The following CFAP46 variants were observed in gnomAD, a reference collection of about 807,000 sequenced individuals.
The protein encoded by CFAP46 is cilia and flagella associated protein 46.
A neutral mutation model predicts 325.7 loss-of-function variants in CFAP46; 245 were observed. That is an observed-to-expected ratio of 0.75 (90% CI 0.68 to 0.84). The LOEUF (loss-of-function observed/expected upper bound fraction) is 0.84, where lower values mean the gene tolerates loss of function less well. CFAP46 is among the 40% of genes least tolerant of loss of function. The pLI, the probability that CFAP46 is intolerant of heterozygous loss-of-function variation, is 0.00. For synonymous variants in CFAP46, 1,523 were observed against 1,495.9 expected, an observed-to-expected ratio of 1.02 and a Z score of -0.42; for missense variants, 3,346 against 3,543.0, an observed-to-expected ratio of 0.94 and a Z score of 1.41.
At position 132,850,411 on chromosome 10, in the gene CFAP46, T is replaced by C. The variant is rs1388475474; in HGVS notation, c.5785A>G (p.Thr1929Ala). ...TGTGCCAGTGCCCCGTGTGCTAGAG[T>C]CCGCTTCAGCGTGAACCATTGCTTC... ...VGLQWFTLKR[T>A]LAHGALAQLG... Residue 1929 changes from threonine to alanine, a missense_variant, in exon 41 of 58, where the codon ACT (threonine) becomes GCT (alanine). By Grantham distance (58) the Thr-to-Ala change is moderately conservative. Coordinates refer to ENST00000368586, the MANE Select transcript of CFAP46 (RefSeq NM_001200049.3). 2 of 1,576,678 alleles carry C rather than the reference T, an allele frequency of 1.3e-6. No homozygotes were observed. The highest frequency in any genetic ancestry group is 2.7e-5 in the African/African-American group (2 of 74,080).
chr10:132,880,652 CTGAGA>C (rs1255478134), intron 28 of CFAP46, among the ~76,000 whole-genome samples: 2 of 53,526 alleles, frequency 3.7e-5, no homozygotes, highest in Admixed American at 4.7e-4. Context: ...GAGGACAGCA[CTGAGA>C]CACGTCAGGG....
chr10:132,872,003 T>C (rs796766523), intron 32 of CFAP46, among the ~76,000 whole-genome samples: 10 of 152,250 alleles, frequency 6.6e-5, no homozygotes, highest in African/African-American at 2.4e-4. Context: ...TTTTAGTACA[T>C]ACATTTTAAA....
At chr10:132,928,084 C>G (rs1849838388) in intron 9 of CFAP46, among the ~76,000 whole-genome samples, 1 of 152,182 alleles carries the variant, frequency 6.6e-6, no homozygotes, top group Admixed American at 6.5e-5. Context: ...AGGAGCCTCC[C>G]TAACAGCGAC....
At chr10:132,924,988 T>G in intron 10 of CFAP46, 102 bp from the exon 11 acceptor site, 1 of 940,588 alleles carries the variant, frequency 1.1e-6, no homozygotes, top group Middle Eastern at 3.1e-4. Context: ...AGGCCCTAAA[T>G]TCATCACCCT....
At position 132,906,200 on chromosome 10, in the gene CFAP46, G is replaced by A. The variant is rs1039472948; in HGVS notation, c.2924+2268C>T. On this transcript the variant is annotated intron_variant, in intron 22 of 57. Transcript: ENST00000368586. ...CCCCCTTGTGAACGTGGGGCACCAC[G>A]CATGGCAGTGCCAGGCCAGCAGGGC... 2.2e-4 allele frequency among the ~76,000 whole-genome samples: 33 copies of A among 152,354 alleles called. No individual in the cohort carries two copies. In the South Asian group the frequency reaches 3.1e-3, roughly 14 times the overall value.
intron 20 of CFAP46, 83 bp downstream of exon 20, chr10:132,909,836 G>A (rs1849514035): frequency 7.6e-7 from 1 of 1,315,066 alleles, no homozygotes; most frequent in Non-Finnish European, 9.8e-7. Context: ...AGTGGTCCCG[G>A]GGGCCCCACC....
intron 26 of CFAP46, 40 bp from the exon 27 acceptor site, chr10:132,885,326 G>A (rs1359656592): frequency 2.0e-6 from 3 of 1,512,936 alleles, no homozygotes; most frequent in Middle Eastern, 1.9e-4. Flanking sequence ...TCAGGATCGG[G>A]TGGCAGAATT....
At chr10:132,912,298 CCT>C (rs200113529) in intron 19 of CFAP46, among the ~76,000 whole-genome samples, 8 of 44,316 alleles carry the variant, frequency 1.8e-4, no homozygotes, top group East Asian at 3.7e-4. Context: ...CTCTCTCTCT[CCT>C]CTCTTTCTCC....
At chr10:132,941,451 A>C (rs1448154154) in intron 3 of CFAP46, 140 bp downstream of exon 3, 3 of 1,158,014 alleles carry the variant, frequency 2.6e-6, no homozygotes, top group East Asian at 2.5e-5. Flanking sequence ...GAAATGGTGC[A>C]AGTTTCGTGT....
chr10:132,825,785 A>AT lies in CFAP46; in HGVS notation c.7117+7572dup, dbSNP rs760748258. ...ACAAACCTCAAAGAACAAAACCCAG[A>AT]TAACCCCACAGAAGAACCGGTGAGA... is the stretch of plus-strand genomic sequence containing the variant. On this transcript the variant is annotated intron_variant, in intron 50 of 57. Coordinates refer to ENST00000368586, the MANE Select transcript of CFAP46 (RefSeq NM_001200049.3). Among the ~76,000 whole-genome samples, 30 of 152,352 alleles carry AT rather than the reference A, an allele frequency of 2.0e-4. 1 individual carries two copies. Among genetic ancestry groups the AT allele is most frequent in the East Asian group, 1.3e-3 (7 of 5,192 alleles).
rs1052638582 is a variant in CFAP46 at position 132,936,848 on chromosome 10, T to C, written c.755+113A>G. On this transcript the variant is annotated intron_variant, in intron 7 of 57. Coordinates refer to ENST00000368586, the MANE Select transcript of CFAP46 (RefSeq NM_001200049.3). Reference sequence around the variant, plus strand: ...ATTCTCCAGCCCCACTCACTGCAACTCCAGACTCACAGGCCCCTGGACACA... The same window carrying C: ...ATTCTCCAGCCCCACTCACTGCAACCCCAGACTCACAGGCCCCTGGACACA... 6.7e-5 allele frequency: 35 copies of C among 522,018 alleles called. No individual in the cohort carries two copies. The East Asian group carries it at 1.1e-3, about 17-fold the overall frequency. The allele number at this position is 522,018 out of a possible 1,614,324, so 32.3% of individuals were successfully genotyped here.
At chr10:132,860,354 C>A (rs1396312805) in intron 37 of CFAP46, 63 bp downstream of exon 37, 6 of 1,316,372 alleles carry the variant, frequency 4.6e-6, no homozygotes, top group Non-Finnish European at 6.4e-6. Flanking sequence ...ACAAAAATTG[C>A]AGATGGAAAA....
Position 132,839,848 on chromosome 10 carries a change from C to T in CFAP46, c.6439-2934G>A, listed in dbSNP as rs529078070. Among the ~76,000 whole-genome samples the T allele has an allele frequency of 6.6e-5, 10 of 152,356 alleles. No homozygotes were observed. In the South Asian group the frequency reaches 1.4e-3, roughly 22 times the overall value. On this transcript the variant is annotated intron_variant, in intron 44 of 57. Transcript: ENST00000368586. The stretch of plus-strand genomic sequence containing the variant: ...TGAACCACATGGAACACAACTACTT[C>T]ACCCTGACGTGGCGCCCCTTATAAC...
chr10:132,819,589 C>A (rs114118748), intron 50 of CFAP46, among the ~76,000 whole-genome samples: 1 of 152,216 alleles, frequency 6.6e-6, no homozygotes, highest in African/African-American at 2.4e-5. Context: ...TAAACCCACA[C>A]GTTCAGGGTC....
intron 34 of CFAP46, 50 bp downstream of exon 34, chr10:132,867,325 C>A (rs147101924): frequency 2.7e-5 from 41 of 1,528,504 alleles, no homozygotes; most frequent in Middle Eastern, 4.5e-4. Context: ...CCACGAGGCA[C>A]CGGCGCCCGC....
intron 50 of CFAP46, among the ~76,000 whole-genome samples, chr10:132,821,602 T>G (rs1255245833): frequency 1.4e-5 from 2 of 140,438 alleles, no homozygotes; most frequent in East Asian, 4.6e-4. Flanking sequence ...TGCTGTGTGC[T>G]GTGTGTGCGC....
chr10:132,926,522 A>G, intron 10 of CFAP46, 46 bp downstream of exon 10: 2 of 1,373,462 alleles, frequency 1.5e-6, no homozygotes, highest in Non-Finnish European at 2.0e-6. Context: ...AGCTCCAGGA[A>G]TCTGCAAAAT....
intron 43 of CFAP46, among the ~76,000 whole-genome samples, chr10:132,846,595 CA>C (rs1848440846): frequency 6.6e-6 from 1 of 151,986 alleles, no homozygotes; most frequent in African/African-American, 2.4e-5. Context: ...GTGAGGTCCA[CA>C]CGGACAGGGA....
chr10:132,818,763 G>C (rs1003213794), intron 50 of CFAP46, among the ~76,000 whole-genome samples: 1 of 151,658 alleles, frequency 6.6e-6, no homozygotes, highest in Non-Finnish European at 1.5e-5. Context: ...TGAGGCAGGA[G>C]AATTGCTTGA....
Sources: gnomAD v4.1 joint callset for allele counts (sites outside exome capture counted in the v4.1 genomes callset) on GRCh38, gnomAD v4.1.1 for gene constraint, MANE v1.5 for transcripts, NCBI Gene and HGNC (gene_info 2026-07-23, HGNC 2026-07-21) for gene names.